Variants in MYO3B observed in about 807,000 individuals in gnomAD.
MYO3B encodes the protein myosin-IIIb.
A neutral mutation model predicts 174.6 loss-of-function variants in MYO3B; 156 were observed. That is an observed-to-expected ratio of 0.89 (90% CI 0.78 to 1.02). The LOEUF (loss-of-function observed/expected upper bound fraction) is 1.02. MYO3B is among the 50% of genes least tolerant of loss of function. MYO3B has a pLI of 0.00. For synonymous variants in MYO3B, 563 were observed against 569.1 expected, an observed-to-expected ratio of 0.99 and a Z score of 0.15; for missense variants, 1,632 against 1,639.4, an observed-to-expected ratio of 1.00 and a Z score of 0.08.
chr2:170,483,598 G>A (rs917241315), intron 25 of MYO3B, among the ~76,000 whole-genome samples: 1 of 125,774 alleles, frequency 8.0e-6, no homozygotes. Context: ...GTGTTAGCCA[G>A]GATGGTCTCG....
At chr2:170,306,768 A>G (rs1047149789) in intron 7 of MYO3B, among the ~76,000 whole-genome samples, 5 of 152,170 alleles carry the variant, frequency 3.3e-5, no homozygotes, top group African/African-American at 4.8e-5. Flanking sequence ...AACATGACAG[A>G]TGATTATTGT....
At chr2:170,198,628 G>A (rs566197552) in intron 1 of MYO3B, among the ~76,000 whole-genome samples, 1 of 152,336 alleles carries the variant, frequency 6.6e-6, no homozygotes, top group East Asian at 1.9e-4. Context: ...CAGTAAGCAA[G>A]AAGTAGATTG....
chr2:170,496,607 GTATAA>G (rs540517038), intron 25 of MYO3B, among the ~76,000 whole-genome samples: 35 of 148,126 alleles, frequency 2.4e-4, no homozygotes, highest in South Asian at 1.3e-3. Context: ...TAATATATAT[GTATAA>G]TATAATATAT....
intron 7 of MYO3B, among the ~76,000 whole-genome samples, chr2:170,327,767 C>G (rs1438905036): frequency 2.0e-5 from 3 of 151,644 alleles, no homozygotes; most frequent in African/African-American, 7.3e-5. Context: ...ATACTGATTT[C>G]TGTTTCATTT....
intron 3 of MYO3B, 134 bp downstream of exon 3, chr2:170,200,418 C>T (rs2092648921): frequency 4.5e-6 from 4 of 892,992 alleles, no homozygotes; most frequent in African/African-American, 1.7e-5. Flanking sequence ...GGTACCTCAC[C>T]AGATGTGACA....
At chr2:170,381,707 A>G (rs1470044608) in intron 9 of MYO3B, among the ~76,000 whole-genome samples, 1 of 152,240 alleles carries the variant, frequency 6.6e-6, no homozygotes, top group Non-Finnish European at 1.5e-5. Context: ...ACTGAGCAGA[A>G]GTCAGAGGTG....
intron 32 of MYO3B, among the ~76,000 whole-genome samples, chr2:170,575,303 C>T (rs1692718948): frequency 6.6e-6 from 1 of 151,916 alleles, no homozygotes; most frequent in African/African-American, 2.4e-5. Flanking sequence ...TTTATATATT[C>T]CCATATGTTT....
chr2:170,608,697 C>T (rs1694967767), intron 32 of MYO3B, among the ~76,000 whole-genome samples: 1 of 151,990 alleles, frequency 6.6e-6, no homozygotes. Flanking sequence ...GACAGACAGA[C>T]AGACAGAGAG....
chr2:170,400,403 T>C, intron 17 of MYO3B, 89 bp downstream of exon 17: 1 of 238,954 alleles, frequency 4.2e-6, no homozygotes, highest in Non-Finnish European at 5.9e-6. Context: ...TTGCTGGTCC[T>C]TTTTTTTTTT....
chr2:170,227,901 T>C (rs2092969615), intron 6 of MYO3B, among the ~76,000 whole-genome samples: 1 of 152,202 alleles, frequency 6.6e-6, no homozygotes, highest in Admixed American at 6.5e-5. Flanking sequence ...CTTAACTTTC[T>C]GAATCTGTTT....
intron 7 of MYO3B, among the ~76,000 whole-genome samples, chr2:170,261,563 G>T (rs1007592739): frequency 2.6e-5 from 4 of 152,168 alleles, no homozygotes; most frequent in Admixed American, 1.3e-4. Context: ...ATCAGTACAT[G>T]TGTGTTTTAA....
At chr2:170,597,079 C>T (rs1023956448) in intron 32 of MYO3B, among the ~76,000 whole-genome samples, 8 of 152,122 alleles carry the variant, frequency 5.3e-5, no homozygotes, top group Admixed American at 4.6e-4. Context: ...TTTGGGAAAT[C>T]TCACTGTCTA....
intron 32 of MYO3B, among the ~76,000 whole-genome samples, chr2:170,636,345 A>C (rs1438893799): frequency 7.9e-5 from 12 of 152,058 alleles, no homozygotes; most frequent in Non-Finnish European, 1.5e-5. Flanking sequence ...GCCACGCTGG[A>C]AATAACATAA....
intron 6 of MYO3B, among the ~76,000 whole-genome samples, chr2:170,229,301 G>T (rs561280178): frequency 1.3e-5 from 2 of 152,306 alleles, no homozygotes; most frequent in South Asian, 4.1e-4. Flanking sequence ...TGGGCTCAAG[G>T]TCAGCCAAGG....
chr2:170,385,882 G>C (rs763265649), intron 12 of MYO3B: 12 of 182,096 alleles, frequency 6.6e-5, no homozygotes, highest in Non-Finnish European at 1.4e-4. Context: ...TCCTGCAGAT[G>C]AACCTGCATA....
At chr2:170,479,249 A>G (rs1685523363) in intron 25 of MYO3B, among the ~76,000 whole-genome samples, 1 of 150,386 alleles carries the variant, frequency 6.6e-6, no homozygotes, top group African/African-American at 2.4e-5. Context: ...ATGCCACTGC[A>G]CTCCAGCCTG....
At chr2:170,379,902 A>G (rs974953429) in intron 9 of MYO3B, among the ~76,000 whole-genome samples, 3 of 152,244 alleles carry the variant, frequency 2.0e-5, no homozygotes, top group Non-Finnish European at 2.9e-5. Flanking sequence ...ATTTAACTTA[A>G]TAGGCTAGAA....
At chr2:170,291,980 T>G (rs904710368) in intron 7 of MYO3B, among the ~76,000 whole-genome samples, 1 of 152,106 alleles carries the variant, frequency 6.6e-6, no homozygotes, top group Non-Finnish European at 1.5e-5. Context: ...CTTTCTCACA[T>G]TTTGGAAAAT....
intron 3 of MYO3B, among the ~76,000 whole-genome samples, chr2:170,212,392 T>C (rs1293574478): frequency 6.6e-6 from 1 of 151,956 alleles, no homozygotes; most frequent in Non-Finnish European, 1.5e-5. Flanking sequence ...CATTTTAATA[T>C]GGGGGGGCAT....
Sources: allele counts gnomAD v4.1 joint callset (sites outside exome capture counted in the v4.1 genomes callset), GRCh38; gene constraint gnomAD v4.1.1; transcripts MANE v1.5; gene names NCBI Gene and HGNC (gene_info 2026-07-23, HGNC 2026-07-21).